The following IARS2 variants were observed in gnomAD, a reference collection of about 807,000 sequenced individuals.
IARS2 encodes the protein isoleucyl-tRNA synthetase 2, mitochondrial.
A neutral mutation model predicts 126.3 loss-of-function variants in IARS2; 56 were observed. The observed-to-expected ratio is 0.44, with a 90% CI of 0.36 to 0.55. The LOEUF (loss-of-function observed/expected upper bound fraction) is 0.55, where lower values mean the gene tolerates loss of function less well. Ranked by LOEUF, IARS2 falls within the 20% of genes least tolerant of loss-of-function variation. IARS2 has a pLI of 0.00. For missense variants in IARS2, 1,127 were observed against 1,245.9 expected, an observed-to-expected ratio of 0.90 and a Z score of 1.44; for synonymous variants, 407 against 441.1, an observed-to-expected ratio of 0.92 and a Z score of 0.97.
intron 14 of IARS2, 90 bp downstream of exon 14, chr1:220,126,933 CTG>C: frequency 1.1e-6 from 1 of 872,900 alleles, no homozygotes. Context: ...AACTCTTTTT[CTG>C]TGTGTGCTTT....
intron 2 of IARS2, 77 bp downstream of exon 2, chr1:220,096,303 TATG>T (rs959185530): frequency 4.5e-6 from 4 of 892,020 alleles, no homozygotes; most frequent in East Asian, 2.8e-5. Context: ...ATTCTAATTA[TATG>T]ATAATTATGT....
intron 2 of IARS2, among the ~76,000 whole-genome samples, chr1:220,097,368 T>TC (rs1656467003): frequency 6.7e-6 from 1 of 148,958 alleles, no homozygotes; most frequent in Admixed American, 6.7e-5. Flanking sequence ...CTTTTTTCTT[T>TC]TTTTTTTTTT....
intron 2 of IARS2, 136 bp downstream of exon 2, chr1:220,096,362 A>G: frequency 1.5e-6 from 1 of 658,568 alleles, no homozygotes; most frequent in Non-Finnish European, 2.4e-6. Context: ...ATAGAAAGCA[A>G]TATACAATTT....
chr1:220,100,654 A>AT lies in IARS2; in HGVS notation c.550+6dup. 1.3e-6 allele frequency: 2 copies of AT among 1,593,490 alleles called. No individual in the cohort carries two copies. Among genetic ancestry groups the AT allele is most frequent in the Non-Finnish European group, 1.7e-6 (2 of 1,163,652 alleles). ...CTATGGAAATTAGAAAGAAAGGTAAATAATCTGTATTTCTGTTTTAAAATG... is the reference window on the plus strand; with the variant it reads ...CTATGGAAATTAGAAAGAAAGGTAAATTAATCTGTATTTCTGTTTTAAAATG... On this transcript the variant is annotated splice_donor_region_variant and intron_variant, in intron 3 of 22. Coordinates refer to ENST00000366922, the MANE Select transcript of IARS2 (RefSeq NM_018060.4).
At chr1:220,134,310 C>T (rs1424354297) in intron 14 of IARS2, 92 bp from the exon 15 acceptor site, 7 of 843,334 alleles carry the variant, frequency 8.3e-6, no homozygotes, top group East Asian at 5.6e-5. Flanking sequence ...TTCCCTTCCT[C>T]CCCACTAATT....
intron 13 of IARS2, among the ~76,000 whole-genome samples, 155 bp from the exon 14 acceptor site, chr1:220,126,595 A>C (rs975484808): frequency 6.6e-6 from 1 of 152,230 alleles, no homozygotes; most frequent in African/African-American, 2.4e-5. Context: ...AGGGAGTTGA[A>C]GTTAACTGTG....
intron 14 of IARS2, among the ~76,000 whole-genome samples, chr1:220,128,171 C>T (rs1048324358): frequency 6.8e-6 from 1 of 147,642 alleles, no homozygotes; most frequent in African/African-American, 2.5e-5. Context: ...AAAGGGAGGG[C>T]CGACTTTTCA....
chr1:220,134,905 T>C (rs61569366), intron 15 of IARS2: 20,802 of 153,306 alleles, frequency 0.14, 1,506 homozygotes, highest in South Asian at 0.2. Flanking sequence ...GTAGCTGGGA[T>C]TACAGACATG....
At chr1:220,109,602 C>G (rs1455543604) in intron 10 of IARS2, among the ~76,000 whole-genome samples, 1 of 152,198 alleles carries the variant, frequency 6.6e-6, no homozygotes, top group Non-Finnish European at 1.5e-5. Flanking sequence ...ACAGCAGCTT[C>G]AAACCCAGAA....
chr1:220,144,283 C>G, intron 21 of IARS2: 1 of 761,234 alleles, frequency 1.3e-6, no homozygotes, highest in Non-Finnish European at 2.4e-6. Context: ...AAGCACCTGG[C>G]TTTTGCCTCT....
rs191617995 is a variant in IARS2 at position 220,126,170 on chromosome 1, G to C, written c.1744-580G>C. ...CATACCTTTAGTCCCAGCTACTCAG[G>C]AGGCCGAGGCAGGAGAATCACTTGA... On this transcript the variant is annotated intron_variant, in intron 13 of 22. Transcript: ENST00000366922. 2.0e-3 allele frequency among the ~76,000 whole-genome samples: 310 copies of C among 151,960 alleles called. No homozygotes were observed. In the Middle Eastern group the frequency reaches 0.02, roughly 10 times the overall value.
At chr1:220,112,769 G>C (rs145990315) in intron 11 of IARS2, among the ~76,000 whole-genome samples, 3 of 152,068 alleles carry the variant, frequency 2.0e-5, no homozygotes, top group African/African-American at 7.2e-5. Context: ...AAGTTGCCCC[G>C]GTTGGTGTCG....
chr1:220,106,215 G>C (rs377041520), intron 9 of IARS2, among the ~76,000 whole-genome samples, 155 bp downstream of exon 9: 1 of 152,028 alleles, frequency 6.6e-6, no homozygotes, highest in Non-Finnish European at 1.5e-5. Context: ...TCATTAATTC[G>C]TACTAATTGA....
intron 18 of IARS2, among the ~76,000 whole-genome samples, chr1:220,139,896 C>T (rs1657452442): frequency 6.6e-6 from 1 of 152,116 alleles, no homozygotes; most frequent in Admixed American, 6.6e-5. Flanking sequence ...TGGTGACGTC[C>T]ACTGTTTGCT....
rs1033020748 is a variant in IARS2 at position 220,116,078 on chromosome 1, G to A, written c.1640+1604G>A. On this transcript the variant is annotated intron_variant, in intron 12 of 22. Coordinates refer to ENST00000366922, the MANE Select transcript of IARS2 (RefSeq NM_018060.4). Reference sequence around the variant, plus strand: ...TTTAAAAATTAGCTGGTGTGGTAGTGTGGGCCTGTAGTCCCAGCGACTTGG... The same window carrying A: ...TTTAAAAATTAGCTGGTGTGGTAGTATGGGCCTGTAGTCCCAGCGACTTGG... Among the ~76,000 whole-genome samples, 3 of 152,240 alleles carry A rather than the reference G, an allele frequency of 2.0e-5. No individual in the cohort carries two copies. The South Asian group carries it at 6.2e-4, about 32-fold the overall frequency.
intron 12 of IARS2, chr1:220,117,705 A>G: frequency 2.5e-6 from 1 of 405,372 alleles, no homozygotes; most frequent in Non-Finnish European, 4.8e-6. Flanking sequence ...GTTAGGTTAA[A>G]TAAATATGAG....
Position 220,141,892 on chromosome 1 carries a change from C to T in IARS2, c.2504C>T (p.Ala835Val), listed in dbSNP as rs1657499187. 1.2e-6 allele frequency: 2 copies of T among 1,614,154 alleles called. No homozygotes were observed. Among genetic ancestry groups the T allele is most frequent in the Non-Finnish European group, 1.7e-6 (2 of 1,180,002 alleles). ...TTGGATGTAATAGTTCGTTCTTTTG[C>T]TCCCATTCTTCCTCACCTGGCTGAA... The part of the protein sequence containing the change: ...EILDVIVRSF[A>V]PILPHLAEEV... Residue 835 changes from alanine to valine, a missense_variant, in exon 20 of 23, where the codon GCT becomes GTT. Ala to Val is a moderately conservative substitution (Grantham distance 64). Coordinates refer to ENST00000366922, the MANE Select transcript of IARS2 (RefSeq NM_018060.4).
rs768101579 is a variant in IARS2, at chr1:220,102,179, C to T, written c.601C>T (p.Arg201Cys). ...TGAGAAACAGAAATCAGCATTTATT[C>T]GTTGGGGAATAATGGCAGATTGGAA... Reference protein sequence around the residue: ...AIEKQKSAFIRWGIMADWNNC... With the variant: ...AIEKQKSAFICWGIMADWNNC... The change falls in exon 4 of 23, where the codon CGT becomes TGT. Residue 201 changes from arginine to cysteine, a missense_variant. By Grantham distance (180) the Arg-to-Cys change is radical (BLOSUM62 -3). Coordinates refer to ENST00000366922, the MANE Select transcript of IARS2 (RefSeq NM_018060.4). 9.3e-6 allele frequency: 15 copies of T among 1,611,012 alleles called. No individual in the cohort carries two copies. The highest frequency in any genetic ancestry group is 2.7e-5 in the African/African-American group (2 of 74,614).
intron 11 of IARS2, among the ~76,000 whole-genome samples, chr1:220,111,476 A>G (rs1246631110): frequency 1.3e-5 from 2 of 152,126 alleles, no homozygotes; most frequent in Admixed American, 6.6e-5. Context: ...TGAAAAATAT[A>G]CAAAGTTGTT....
Sources: gnomAD v4.1 joint callset for allele counts (sites outside exome capture counted in the v4.1 genomes callset) on GRCh38, gnomAD v4.1.1 for gene constraint, MANE v1.5 for transcripts, NCBI Gene and HGNC (gene_info 2026-07-23, HGNC 2026-07-21) for gene names.